Variants in HACD3 observed in about 807,000 individuals in gnomAD.
The protein encoded by HACD3 is 3-hydroxyacyl-CoA dehydratase 3.
HACD3 carries 30 observed loss-of-function variants against 55.2 expected under a neutral mutation model. The observed-to-expected ratio is 0.54, with a 90% CI of 0.41 to 0.74. The LOEUF (loss-of-function observed/expected upper bound fraction) is 0.74. HACD3 is among the 30% of genes least tolerant of loss of function. HACD3 has a pLI of 0.00. For missense variants in HACD3, 363 were observed against 440.1 expected, an observed-to-expected ratio of 0.82 and a Z score of 1.57; for synonymous variants, 141 against 151.7, an observed-to-expected ratio of 0.93 and a Z score of 0.52.
At position 65,558,692 on chromosome 15, in the gene HACD3, C is replaced by A. The variant is rs1486477698; in HGVS notation, c.382C>A (p.Leu128Ile). The A allele has an allele frequency of 1.9e-6, 3 of 1,598,918 alleles. No homozygotes were observed. The African/African-American group carries it at 4.0e-5, about 21-fold the overall frequency. The change falls in exon 5 of 11, where the codon CTA becomes ATA. Residue 128 changes from leucine to isoleucine, a missense_variant. Physicochemically the swap from Leu to Ile is conservative, Grantham distance 5. Transcript: ENST00000261875. ...MELRAKEEER[L>I]NKLRLESEGS... ...GTCTAAATTCTAGGAAGAAGAGCGC[C>A]TAAATAAACTCCGACTGGAAAGCGA...
chr15:65,570,219 AG>A lies in HACD3; in HGVS notation c.773+18del. On this transcript the variant is annotated intron_variant, in intron 8 of 10. Coordinates refer to ENST00000261875, the MANE Select transcript of HACD3 (RefSeq NM_016395.4). ...AAATTTTCAGGTGGGTAGAAATGCC[AG>A]GATGGTGTTTGAATGCTGCTCCCTG... 1 of 1,550,264 alleles carries A rather than the reference AG, an allele frequency of 6.5e-7. No individual in the cohort carries two copies. The highest frequency in any genetic ancestry group is 8.9e-7 in the Non-Finnish European group (1 of 1,123,566).
intron 1 of HACD3, among the ~76,000 whole-genome samples, chr15:65,538,688 A>T (rs1184684748): frequency 6.6e-6 from 1 of 152,262 alleles, no homozygotes; most frequent in Admixed American, 6.5e-5. Flanking sequence ...TGGGTAAAAC[A>T]GTATCAAACA....
At chr15:65,548,537 T>G (rs1024845861) in intron 1 of HACD3, among the ~76,000 whole-genome samples, 3 of 150,072 alleles carry the variant, frequency 2.0e-5, no homozygotes, top group African/African-American at 5.0e-5. Context: ...AAAAAGATGA[T>G]TAAGATGATT....
chr15:65,574,702 A>C (rs1006066579), intron 10 of HACD3, among the ~76,000 whole-genome samples: 1 of 146,366 alleles, frequency 6.8e-6, no homozygotes, highest in Non-Finnish European at 1.5e-5. Flanking sequence ...CGTCATTTGC[A>C]AAAGGTTAAA....
intron 1 of HACD3, 127 bp downstream of exon 1, chr15:65,530,845 GGTGCGCTTACGGC>G: frequency 1.1e-6 from 1 of 925,596 alleles, no homozygotes; most frequent in South Asian, 1.8e-5. Context: ...TCGGCGACGC[GGTGCGCTTACGGC>G]GTGCTGGCGC....
Position 65,571,595 on chromosome 15 carries a change from T to C in HACD3, c.821T>C (p.Leu274Pro), listed in dbSNP as rs1395162262. The change falls in exon 9 of 11, where the codon CTC becomes CCC. Residue 274 changes from leucine to proline, a missense_variant. Leu to Pro is a moderately conservative substitution (Grantham distance 98). Transcript: ENST00000261875. Reference sequence around the variant, plus strand: ...TGCATTGACATGGATTGGAAGGTGCTCACATGGCTTCGTTACACTCTGTGG... The same window carrying C: ...TGCATTGACATGGATTGGAAGGTGCCCACATGGCTTCGTTACACTCTGTGG... The part of the protein sequence containing the change: ...LTCIDMDWKV[L>P]TWLRYTLWIP... 1.2e-6 allele frequency: 2 copies of C among 1,613,940 alleles called. No homozygotes were observed. The highest frequency in any genetic ancestry group is 1.7e-6 in the Non-Finnish European group (2 of 1,179,808).
At position 65,530,522 on chromosome 15, in the gene HACD3, C is replaced by G. The variant is rs970118675; in HGVS notation, c.-110C>G. On this transcript the variant is annotated 5_prime_UTR_variant, in exon 1 of 11. Coordinates refer to ENST00000261875, the MANE Select transcript of HACD3 (RefSeq NM_016395.4). ...ATCTCGAGGTGCCGGGTTGCAGGCG[C>G]TCAGGAGCGCTAGGGTTTGAGGCCT... 2.0e-6 allele frequency: 2 copies of G among 992,096 alleles called. No homozygotes were observed. Among genetic ancestry groups the G allele is most frequent in the African/African-American group, 3.4e-5 (2 of 58,340 alleles). 61.5% of individuals were successfully genotyped at this position (992,096 alleles called of 1,614,324 possible).
At chr15:65,531,391 A>G (rs1367288723) in intron 1 of HACD3, 1 of 152,242 alleles carries the variant, frequency 6.6e-6, no homozygotes, top group African/African-American at 2.4e-5. Context: ...CTTAAGTTAC[A>G]TTAAGCATTT....
chr15:65,576,421 C>A lies in HACD3; in HGVS notation c.*42C>A, dbSNP rs1311695046. 6.5e-7 allele frequency: 1 copy of A among 1,533,142 alleles called. No homozygotes were observed. Among genetic ancestry groups the A allele is most frequent in the South Asian group, 1.2e-5 (1 of 81,176 alleles). The allele number at this position is 1,533,142 out of a possible 1,614,324, so 95.0% of individuals were successfully genotyped here. ...GGCTTCTTGCCAGTTTGAGCCTAAT[C>A]TGATTCTTACAGTTTTACCTTCTTG... On this transcript the variant is annotated 3_prime_UTR_variant, in exon 11 of 11. Coordinates refer to ENST00000261875, the MANE Select transcript of HACD3 (RefSeq NM_016395.4).
intron 7 of HACD3, chr15:65,565,776 A>G (rs948726515): frequency 6.6e-5 from 10 of 152,204 alleles, no homozygotes; most frequent in African/African-American, 2.4e-4. Context: ...GCTCCTTGCT[A>G]CTTGTGCAAA....
intron 1 of HACD3, among the ~76,000 whole-genome samples, chr15:65,545,431 G>A (rs2072065736): frequency 6.6e-6 from 1 of 151,686 alleles, no homozygotes. Context: ...CAAGAGGAAT[G>A]CATGAACCTG....
chr15:65,561,584 T>C (rs2072244923), intron 5 of HACD3, among the ~76,000 whole-genome samples: 1 of 152,136 alleles, frequency 6.6e-6, no homozygotes, highest in Non-Finnish European at 1.5e-5. Context: ...AATACAACAC[T>C]ACAACACTCA....
At chr15:65,558,630 A>G in intron 4 of HACD3, 50 bp from the exon 5 acceptor site, 1 of 1,532,440 alleles carries the variant, frequency 6.5e-7, no homozygotes. Flanking sequence ...TTTTGCAAGC[A>G]TCTGGGAATT....
Position 65,570,263 on chromosome 15 carries a change from C to CTCA in HACD3, c.773+61_773+62insCAT. On this transcript the variant is annotated intron_variant, in intron 8 of 10. Transcript: ENST00000261875. ...GCTCCCTGTTTGCAGCAGCTCTGTT[C>CTCA]TTGAGGGAGTTGTTATCTTAGCCAG... 3.3e-6 allele frequency: 4 copies of CTCA among 1,221,324 alleles called. No individual in the cohort carries two copies. In the South Asian group the frequency reaches 5.1e-5, roughly 16 times the overall value. 75.7% of individuals were successfully genotyped at this position (1,221,324 alleles called of 1,614,324 possible). A position where few individuals can be genotyped will look rare whatever the true frequency, so the allele number is the denominator to read the frequency against.
chr15:65,542,152 C>G (rs188762679), intron 1 of HACD3, among the ~76,000 whole-genome samples: 2 of 139,854 alleles, frequency 1.4e-5, no homozygotes, highest in Admixed American at 7.6e-5. Context: ...TCGCTTGAAC[C>G]TGGGAGGCAG....
At position 65,570,143 on chromosome 15, in the gene HACD3, T is replaced by C; in HGVS notation, c.713T>C (p.Met238Thr). The C allele has an allele frequency of 1.2e-6, 2 of 1,613,336 alleles. No individual in the cohort carries two copies. Among genetic ancestry groups the C allele is most frequent in the Non-Finnish European group, 1.7e-6 (2 of 1,179,498 alleles). ...LFIIFGTMEEMQNKAVVFFVF... is the reference protein window; with the variant it reads ...LFIIFGTMEETQNKAVVFFVF... ...ATCATCTTTGGCACCATGGAAGAAA[T>C]GCAGAACAAAGCTGTGGTTTTCTTT... The change falls in exon 8 of 11, where the codon ATG becomes ACG. Residue 238 changes from methionine (M) to threonine (T), a missense_variant. Met to Thr is a moderately conservative substitution (Grantham distance 81). Coordinates refer to ENST00000261875, the MANE Select transcript of HACD3 (RefSeq NM_016395.4).
chr15:65,576,348 G>A lies in HACD3; in HGVS notation c.1058G>A (p.Arg353His), dbSNP rs199662967. Residue 353 changes from arginine (R) to histidine (H), a missense_variant, in exon 11 of 11, where the codon CGC becomes CAC. Coordinates refer to ENST00000261875, the MANE Select transcript of HACD3 (RefSeq NM_016395.4). ...FRHLYKQRRR[R>H]YGQKKKKIH ...CACCTTTATAAACAGCGCAGACGGC[G>A]CTATGGACAAAAAAAGAAAAAGATC... The A allele has an allele frequency of 5.6e-6, 9 of 1,602,720 alleles. No homozygotes were observed. Among genetic ancestry groups the A allele is most frequent in the East Asian group, 4.5e-5 (2 of 44,754 alleles).
intron 1 of HACD3, among the ~76,000 whole-genome samples, chr15:65,536,954 A>G (rs2071960949): frequency 6.6e-6 from 1 of 152,250 alleles, no homozygotes; most frequent in Admixed American, 6.5e-5. Flanking sequence ...AGGAAATTAA[A>G]AGTGCTATTC....
At chr15:65,545,522 G>A (rs2072066844) in intron 1 of HACD3, among the ~76,000 whole-genome samples, 1 of 151,302 alleles carries the variant, frequency 6.6e-6, no homozygotes, top group Admixed American at 6.6e-5. Flanking sequence ...CAGCTCATTG[G>A]AAGCTCCGCC....
Sources: gnomAD v4.1 joint callset for allele counts (sites outside exome capture counted in the v4.1 genomes callset) on GRCh38, gnomAD v4.1.1 for gene constraint, MANE v1.5 for transcripts, NCBI Gene and HGNC (gene_info 2026-07-23, HGNC 2026-07-21) for gene names.